The following SPOCK3 variants were observed in gnomAD, a reference collection of about 807,000 sequenced individuals.
SPOCK3 encodes testican-3.
SPOCK3 carries 30 observed loss-of-function variants against 56.6 expected under a neutral mutation model. That is an observed-to-expected ratio of 0.53 (90% CI 0.40 to 0.72). The LOEUF (loss-of-function observed/expected upper bound fraction) is 0.72, where lower values mean the gene tolerates loss of function less well. Ranked by LOEUF, SPOCK3 falls within the 30% of genes least tolerant of loss-of-function variation. SPOCK3 has a pLI of 0.00. For missense variants in SPOCK3, 527 were observed against 530.0 expected (o/e 0.99, Z 0.06); for synonymous variants, 196 against 183.3 (o/e 1.07, Z -0.56).
intron 2 of SPOCK3, among the ~76,000 whole-genome samples, chr4:167,097,665 T>C (rs193043851): frequency 2.6e-5 from 4 of 151,982 alleles, no homozygotes; most frequent in Admixed American, 6.6e-5. Context: ...ACCTAGGTAG[T>C]GAGCCTATTG....
intron 8 of SPOCK3, among the ~76,000 whole-genome samples, chr4:166,749,572 C>T (rs948824859): frequency 6.6e-6 from 1 of 151,692 alleles, no homozygotes; most frequent in African/African-American, 2.4e-5. Context: ...ACCAACATGG[C>T]ACATGTATAC....
chr4:166,789,497 T>C (rs1184476553), intron 7 of SPOCK3, among the ~76,000 whole-genome samples: 1 of 152,046 alleles, frequency 6.6e-6, no homozygotes. Context: ...ACTGTCATAT[T>C]AAAAAATCAA....
At chr4:166,791,414 G>A (rs1158921100) in intron 7 of SPOCK3, among the ~76,000 whole-genome samples, 3 of 152,160 alleles carry the variant, frequency 2.0e-5, no homozygotes, top group East Asian at 1.9e-4. Flanking sequence ...GCCAAGAGAT[G>A]TGGCTTGTAA....
At chr4:166,938,216 C>T (rs1740663271) in intron 4 of SPOCK3, among the ~76,000 whole-genome samples, 1 of 151,620 alleles carries the variant, frequency 6.6e-6, no homozygotes, top group Non-Finnish European at 1.5e-5. Flanking sequence ...GATTGCTAAG[C>T]TATAAATTAA....
chr4:167,022,673 CAT>C (rs916942361), intron 3 of SPOCK3, among the ~76,000 whole-genome samples: 3 of 151,950 alleles, frequency 2.0e-5, no homozygotes, highest in African/African-American at 7.2e-5. Flanking sequence ...AACCCTGAAA[CAT>C]AGTGATAAAG....
chr4:166,794,791 C>T (rs898906687), intron 6 of SPOCK3, among the ~76,000 whole-genome samples: 1 of 151,634 alleles, frequency 6.6e-6, no homozygotes, highest in African/African-American at 2.4e-5. Flanking sequence ...TACAAGCCCC[C>T]GCCACCAGGC....
intron 4 of SPOCK3, among the ~76,000 whole-genome samples, chr4:166,954,325 T>G (rs1232631883): frequency 6.6e-6 from 1 of 152,316 alleles, no homozygotes; most frequent in East Asian, 1.9e-4. Flanking sequence ...CATCTGTCTA[T>G]TCTTGCTTTG....
chr4:166,752,573 TACACACACAC>T (rs67209921), intron 8 of SPOCK3, among the ~76,000 whole-genome samples: 98 of 28,920 alleles, frequency 3.4e-3, no homozygotes, highest in African/African-American at 0.013. Context: ...TATATATATA[TACACACACAC>T]ACACACACAC....
At chr4:167,100,710 G>T (rs1181283254) in intron 2 of SPOCK3, among the ~76,000 whole-genome samples, 2 of 152,032 alleles carry the variant, frequency 1.3e-5, no homozygotes, top group African/African-American at 4.8e-5. Flanking sequence ...TTTATTGTAT[G>T]CTAATTATTT....
At chr4:166,755,441 G>A (rs1736944432) in intron 7 of SPOCK3, among the ~76,000 whole-genome samples, 2 of 152,130 alleles carry the variant, frequency 1.3e-5, no homozygotes, top group East Asian at 1.9e-4. Context: ...CTGGTAAGCT[G>A]CAGACCTCAC....
chr4:166,967,739 C>T (rs2150068374), intron 4 of SPOCK3, among the ~76,000 whole-genome samples: 1 of 152,184 alleles, frequency 6.6e-6, no homozygotes, highest in African/African-American at 2.4e-5. Flanking sequence ...TGGCAAAAGG[C>T]ATCTGGCAGT....
chr4:166,874,044 T>G (rs771278791), intron 6 of SPOCK3, among the ~76,000 whole-genome samples: 1 of 152,156 alleles, frequency 6.6e-6, no homozygotes, highest in African/African-American at 2.4e-5. Context: ...GCAAATGATC[T>G]TGGGAGATTG....
chr4:166,828,659 T>C (rs1285318834), intron 6 of SPOCK3, among the ~76,000 whole-genome samples: 2 of 152,052 alleles, frequency 1.3e-5, no homozygotes, highest in African/African-American at 2.4e-5. Context: ...GGAAAATGAT[T>C]GTTTTGCATT....
At chr4:166,915,803 T>C (rs1737781984) in intron 4 of SPOCK3, among the ~76,000 whole-genome samples, 1 of 152,142 alleles carries the variant, frequency 6.6e-6, no homozygotes, top group Non-Finnish European at 1.5e-5. Flanking sequence ...GCAGAAAAGA[T>C]TAACCTTCGA....
At chr4:167,226,923 T>A (rs1029284851) in intron 2 of SPOCK3, among the ~76,000 whole-genome samples, 3 of 151,986 alleles carry the variant, frequency 2.0e-5, no homozygotes, top group Non-Finnish European at 4.4e-5. Flanking sequence ...ACTTAACCTC[T>A]CTCTAACCAA....
chr4:167,188,345 AG>A (rs1301310923), intron 2 of SPOCK3, among the ~76,000 whole-genome samples: 3 of 146,088 alleles, frequency 2.1e-5, no homozygotes, highest in Non-Finnish European at 3.0e-5. Context: ...AAAATTACAG[AG>A]CATACAAAAG....
chr4:167,049,108 C>CTTT (rs34903732), intron 3 of SPOCK3, among the ~76,000 whole-genome samples: 36 of 144,100 alleles, frequency 2.5e-4, no homozygotes, highest in Middle Eastern at 3.5e-3. Context: ...TTTTCTTTTT[C>CTTT]TTTTTTTTTT....
intron 7 of SPOCK3, among the ~76,000 whole-genome samples, chr4:166,789,286 G>T (rs533510411): frequency 1.3e-5 from 2 of 151,762 alleles, no homozygotes; most frequent in Admixed American, 1.3e-4. Flanking sequence ...AAAATAACCC[G>T]GGCGTGGTGA....
At chr4:166,856,782 A>ATCTATCTATCTG (rs1730719696) in intron 6 of SPOCK3, among the ~76,000 whole-genome samples, 1 of 128,398 alleles carries the variant, frequency 7.8e-6, no homozygotes, top group Non-Finnish European at 1.8e-5. Flanking sequence ...CAAAAAAATT[A>ATCTATCTATCTG]TCTATCTATC....
Sources: allele counts gnomAD v4.1 joint callset (sites outside exome capture counted in the v4.1 genomes callset), GRCh38; gene constraint gnomAD v4.1.1; transcripts MANE v1.5; gene names NCBI Gene and HGNC (gene_info 2026-07-23, HGNC 2026-07-21).